PARP11: variants seen among roughly 807,000 people sequenced by gnomAD.
The protein encoded by PARP11 is poly(ADP-ribose) polymerase family member 11, also known as protein mono-ADP-ribosyltransferase PARP11.
A neutral mutation model predicts 42.9 loss-of-function variants in PARP11; 31 were observed. That is an observed-to-expected ratio of 0.72 (90% confidence interval 0.54 to 0.98). PARP11 has a LOEUF of 0.98. PARP11 is among the 50% of genes least tolerant of loss of function. The probability of loss-of-function intolerance (pLI) is 0.00; values close to 1 mark genes in which losing one functional copy is unlikely to be tolerated. For synonymous variants in PARP11, 137 were observed against 127.3 expected, an observed-to-expected ratio of 1.08 and a Z score of -0.51; for missense variants, 365 against 413.1, an observed-to-expected ratio of 0.88 and a Z score of 1.01.
intron 4 of PARP11, among the ~76,000 whole-genome samples, chr12:3,825,380 C>T (rs1422852897): frequency 6.6e-6 from 1 of 152,220 alleles, no homozygotes. Flanking sequence ...ACCATCTTCC[C>T]TATGGCTCCC....
At position 3,855,185 on chromosome 12, in the gene PARP11, G is replaced by A. The variant is rs183004854; in HGVS notation, c.18+18027C>T. ...ACCCACAGCCAATATCAAACTGAATGAGCAAAAACTGGAAGCATTCCCTTT... is the reference window on the plus strand; with the variant it reads ...ACCCACAGCCAATATCAAACTGAATAAGCAAAAACTGGAAGCATTCCCTTT... On this transcript the variant is annotated intron_variant, in intron 1 of 7. Coordinates refer to ENST00000228820, the MANE Select transcript of PARP11 (RefSeq NM_020367.6). Among the ~76,000 whole-genome samples, 4 of 152,182 alleles carry A rather than the reference G, an allele frequency of 2.6e-5. No homozygotes were observed. In the South Asian group the frequency reaches 8.3e-4, roughly 32 times the overall value.
chr12:3,821,758 G>T, intron 6 of PARP11, 115 bp downstream of exon 6: 1 of 1,113,492 alleles, frequency 9.0e-7, no homozygotes. Flanking sequence ...GTCAAAATAC[G>T]GCAAGAGAAA....
At position 3,840,535 on chromosome 12, in the gene PARP11, C is replaced by T. The variant is rs112932403; in HGVS notation, c.19-10517G>A. On this transcript the variant is annotated intron_variant, in intron 1 of 7. Coordinates refer to ENST00000228820, the MANE Select transcript of PARP11 (RefSeq NM_020367.6). The surrounding 1 kb of genome is among the most constrained non-coding windows in gnomAD (Gnocchi z 4.4). ...CTCCAGTGAGCACAAAAATCTTAGC[C>T]GGACACCTTCACAGATCATAAGAAA... 2.5e-3 allele frequency: 4,030 copies of T among 1,606,578 alleles called. 87 individuals carry two copies. The African/African-American group carries it at 0.045, about 18-fold the overall frequency.
chr12:3,845,946 A>G (rs1947985597), intron 1 of PARP11, among the ~76,000 whole-genome samples: 1 of 152,244 alleles, frequency 6.6e-6, no homozygotes, highest in Non-Finnish European at 1.5e-5. Context: ...ATTGTGTTAC[A>G]GAGCTGAAAA....
intron 1 of PARP11, among the ~76,000 whole-genome samples, chr12:3,859,287 C>T (rs1478098105): frequency 6.6e-6 from 1 of 150,712 alleles, no homozygotes; most frequent in African/African-American, 2.4e-5. Flanking sequence ...AGATGTAGGC[C>T]GGTGCAGTGG....
intron 4 of PARP11, among the ~76,000 whole-genome samples, chr12:3,824,406 C>T (rs1206968854): frequency 6.6e-6 from 1 of 152,142 alleles, no homozygotes; most frequent in East Asian, 1.9e-4. Flanking sequence ...TATCTTTTAG[C>T]TATGACCAAA....
intron 1 of PARP11, among the ~76,000 whole-genome samples, chr12:3,837,748 G>A (rs1344589416): frequency 6.6e-6 from 1 of 151,840 alleles, no homozygotes; most frequent in Non-Finnish European, 1.5e-5. Context: ...GGATGAAAGT[G>A]AAGGCATAAA....
rs939591714 is a variant in PARP11, at chr12:3,816,000, T to C, written c.549-1812A>G. On this transcript the variant is annotated intron_variant, in intron 6 of 7. Transcript: ENST00000228820. ...GGCAGTATGTATCAAAATTTAAATGTATATGCTTTGATCTATTTGTGACAG... is the reference window on the plus strand; with the variant it reads ...GGCAGTATGTATCAAAATTTAAATGCATATGCTTTGATCTATTTGTGACAG... 7.9e-5 allele frequency among the ~76,000 whole-genome samples: 12 copies of C among 152,316 alleles called. No homozygotes were observed. The East Asian group carries it at 1.7e-3, about 22-fold the overall frequency.
chr12:3,838,696 G>C (rs550902692), intron 1 of PARP11, among the ~76,000 whole-genome samples: 8 of 152,312 alleles, frequency 5.3e-5, no homozygotes, highest in African/African-American at 1.9e-4. Flanking sequence ...AACAAAAATG[G>C]ACAATTCTTA....
chr12:3,834,634 CAAA>C (rs567817866), intron 1 of PARP11, among the ~76,000 whole-genome samples: 1 of 69,380 alleles, frequency 1.4e-5, no homozygotes. Context: ...CACTCCATCT[CAAA>C]AAAAAAAAAA....
In PARP11 at chr12:3,829,253, A is replaced by G. The variant is rs1051114901; in HGVS notation, c.148-223T>C. On this transcript the variant is annotated intron_variant, in intron 2 of 7. Coordinates refer to ENST00000228820, the MANE Select transcript of PARP11 (RefSeq NM_020367.6). The stretch of plus-strand genomic sequence containing the variant: ...AGACAACTGGTTATAGTCCCCTTCA[A>G]TAACAGATATATATAGAAATATAGT... Among the ~76,000 whole-genome samples, 12 of 152,260 alleles carry G rather than the reference A, an allele frequency of 7.9e-5. No individual in the cohort carries two copies. In the East Asian group the frequency reaches 1.9e-3, roughly 24 times the overall value.
At chr12:3,855,375 TA>T (rs1487751987) in intron 1 of PARP11, among the ~76,000 whole-genome samples, 1 of 152,194 alleles carries the variant, frequency 6.6e-6, no homozygotes, top group Non-Finnish European at 1.5e-5. Flanking sequence ...ATTGTACATT[TA>T]GAAAATCCCA....
At chr12:3,825,871 C>T (rs1947508959) in intron 4 of PARP11, among the ~76,000 whole-genome samples, 1 of 152,062 alleles carries the variant, frequency 6.6e-6, no homozygotes, top group Non-Finnish European at 1.5e-5. Context: ...GGACCACAGG[C>T]ACCTGCCACC....
At chr12:3,826,677 G>A (rs1415338455) in intron 3 of PARP11, among the ~76,000 whole-genome samples, 1 of 152,138 alleles carries the variant, frequency 6.6e-6, no homozygotes, top group East Asian at 1.9e-4. Context: ...TATAAAACTT[G>A]TACAACTCAC....
chr12:3,833,846 C>T (rs1326870619), intron 1 of PARP11, among the ~76,000 whole-genome samples: 1 of 152,142 alleles, frequency 6.6e-6, no homozygotes, highest in Non-Finnish European at 1.5e-5. Context: ...AAAAGACAGG[C>T]AGAGGGCTCC....
chr12:3,846,663 A>C (rs117755625), intron 1 of PARP11, among the ~76,000 whole-genome samples: 9,000 of 152,050 alleles, frequency 0.059, 340 homozygotes, highest in East Asian at 0.18. Context: ...AGGCTGAATC[A>C]GGAAAATGGC....
rs764170775 is a variant in PARP11 at position 3,811,014 on chromosome 12, C to T, written c.*1109G>A. 1 of 152,170 alleles carries T rather than the reference C, an allele frequency of 6.6e-6. No homozygotes were observed. The highest frequency in any genetic ancestry group is 2.4e-5 in the African/African-American group (1 of 41,432). The allele number at this position is 152,170 out of a possible 1,614,324, so 9.4% of individuals were successfully genotyped here. On this transcript the variant is annotated 3_prime_UTR_variant, in exon 8 of 8. Coordinates refer to ENST00000228820, the MANE Select transcript of PARP11 (RefSeq NM_020367.6). ...GGGAAGCTGTTCCAACACTTCTCAT[C>T]TTCCTTACAATGAAACAGCAAAACA... is the stretch of plus-strand genomic sequence containing the variant.
intron 1 of PARP11, among the ~76,000 whole-genome samples, chr12:3,847,417 TCA>T: frequency 6.6e-6 from 1 of 151,928 alleles, no homozygotes; most frequent in Non-Finnish European, 1.5e-5. Flanking sequence ...GCAAAAATCC[TCA>T]ATAAAATACT....
At chr12:3,812,539 TA>T (rs1947203476) in intron 7 of PARP11, 100 bp from the exon 8 acceptor site, 4 of 791,048 alleles carry the variant, frequency 5.1e-6, no homozygotes, top group Non-Finnish European at 8.0e-6. Context: ...TAGAATTGTA[TA>T]ATAAAAATAG....
Sources: allele counts gnomAD v4.1 joint callset (sites outside exome capture counted in the v4.1 genomes callset), GRCh38; gene constraint gnomAD v4.1.1; non-coding constraint Gnocchi (gnomAD v3.1); transcripts MANE v1.5; gene names NCBI Gene and HGNC (gene_info 2026-07-23, HGNC 2026-07-21).